The following NTRK2 variants were observed in gnomAD, a reference collection of about 807,000 sequenced individuals.
NTRK2 encodes neurotrophic receptor tyrosine kinase 2, also known as BDNF/NT-3 growth factors receptor.
In NTRK2, 13 loss-of-function variants were observed where a neutral mutation model predicts 94.5. That is an observed-to-expected ratio of 0.14 (90% CI 0.09 to 0.22). NTRK2 has a LOEUF of 0.22. Among genes scored for constraint, NTRK2 ranks in the 10% least tolerant of loss-of-function variants. The pLI, the probability that NTRK2 is intolerant of heterozygous loss-of-function variation, is 1.00. For synonymous variants in NTRK2, 372 were observed against 407.4 expected (o/e 0.91, Z 1.05); for missense variants, 639 against 1,071.2 (o/e 0.60, Z 5.63).
intron 14 of NTRK2, among the ~76,000 whole-genome samples, chr9:84,913,194 A>G (rs1218440750): frequency 2.0e-5 from 3 of 151,894 alleles, no homozygotes; most frequent in Non-Finnish European, 4.4e-5. Context: ...ATTTACCTGT[A>G]GTGTTTTGGA....
At chr9:84,750,203 G>A (rs1447124019) in intron 11 of NTRK2, among the ~76,000 whole-genome samples, 1 of 152,172 alleles carries the variant, frequency 6.6e-6, no homozygotes, top group Non-Finnish European at 1.5e-5. Context: ...GGTGCTAGTA[G>A]TACTTTCCCC....
At chr9:84,981,353 C>T (rs978303740) in intron 17 of NTRK2, among the ~76,000 whole-genome samples, 5 of 152,166 alleles carry the variant, frequency 3.3e-5, no homozygotes, top group South Asian at 2.1e-4. Context: ...CCACCCACCT[C>T]GGCTTCCCAA....
intron 12 of NTRK2, among the ~76,000 whole-genome samples, chr9:84,769,443 G>A (rs2066325323): frequency 6.6e-6 from 1 of 152,138 alleles, no homozygotes; most frequent in South Asian, 2.1e-4. Context: ...AGAGGCATAA[G>A]AAATTCTATT....
At chr9:85,006,394 G>T (rs923891488) in intron 17 of NTRK2, among the ~76,000 whole-genome samples, 4 of 152,126 alleles carry the variant, frequency 2.6e-5, no homozygotes, top group African/African-American at 7.2e-5. Flanking sequence ...GGCCCTCTTG[G>T]GCTCCCCTGC....
At chr9:84,848,725 C>A (rs147914075) in intron 12 of NTRK2, among the ~76,000 whole-genome samples, 1 of 152,106 alleles carries the variant, frequency 6.6e-6, no homozygotes, top group Non-Finnish European at 1.5e-5. Flanking sequence ...ACATACCCGG[C>A]GCCAAATGAT....
intron 14 of NTRK2, among the ~76,000 whole-genome samples, chr9:84,891,787 T>G (rs971646530): frequency 6.6e-5 from 10 of 152,210 alleles, no homozygotes; most frequent in Admixed American, 2.6e-4. Flanking sequence ...AGAATTAAGT[T>G]ATAAATTAGA....
rs192385754 is a variant in NTRK2 at position 84,941,502 on chromosome 9, A to G, written c.1765-6960A>G. 3.3e-5 allele frequency among the ~76,000 whole-genome samples: 5 copies of G among 152,340 alleles called. No individual in the cohort carries two copies. The East Asian group carries it at 9.6e-4, about 29-fold the overall frequency. On this transcript the variant is annotated intron_variant, in intron 15 of 18. Transcript: ENST00000277120. ...TCTAATGAGGACTCATCTGGCATCA[A>G]ACATAGCTGGAGGATTCATTTCACA...
chr9:84,713,785 G>T (rs903108001), intron 6 of NTRK2, among the ~76,000 whole-genome samples: 6 of 151,808 alleles, frequency 4.0e-5, no homozygotes, highest in Non-Finnish European at 8.8e-5. Context: ...GCTCTTTCTA[G>T]GTAAACTGTG....
At chr9:84,727,629 A>G (rs1483608142) in intron 8 of NTRK2, 25 bp from the exon 9 acceptor site, 1 of 1,607,682 alleles carries the variant, frequency 6.2e-7, no homozygotes. Flanking sequence ...TTCTGATGCT[A>G]TTAACTCTCT....
intron 12 of NTRK2, chr9:84,810,687 C>G (rs201747943): frequency 6.3e-7 from 1 of 1,594,592 alleles, no homozygotes; most frequent in African/African-American, 1.3e-5. Context: ...GGAAGTGCTG[C>G]TTATCTGGGG....
chr9:84,702,774 T>A (rs1465101265), intron 4 of NTRK2, among the ~76,000 whole-genome samples: 1 of 152,212 alleles, frequency 6.6e-6, no homozygotes, highest in Non-Finnish European at 1.5e-5. Flanking sequence ...ACTAGTGGAA[T>A]CGAAAGAAGC....
In NTRK2 at chr9:84,932,840, G is replaced by C. The variant is rs558710589; in HGVS notation, c.1634-1322G>C. ...GGCTTTGAAGGATGAACTAAGCAGA[G>C]AGGAAGCCTGGCAATTGTTTTTACT... On this transcript the variant is annotated intron_variant, in intron 14 of 18. Transcript: ENST00000277120. Among the ~76,000 whole-genome samples, 12 of 152,338 alleles carry C rather than the reference G, an allele frequency of 7.9e-5. No individual in the cohort carries two copies. In the South Asian group the frequency reaches 1.7e-3, roughly 21 times the overall value.
intron 2 of NTRK2, among the ~76,000 whole-genome samples, chr9:84,676,590 T>G (rs759477370): frequency 3.2e-4 from 48 of 152,212 alleles, no homozygotes; most frequent in Non-Finnish European, 5.6e-4. Flanking sequence ...GTGAAGAAAG[T>G]TGCCGAAGGC....
At chr9:84,799,435 T>C (rs964227429) in intron 12 of NTRK2, among the ~76,000 whole-genome samples, 2 of 152,188 alleles carry the variant, frequency 1.3e-5, no homozygotes, top group Non-Finnish European at 1.5e-5. Flanking sequence ...AAACAACCGA[T>C]GTGGAACAAT....
chr9:85,024,488 G>T lies in NTRK2; in HGVS notation c.*3051G>T, dbSNP rs1832934913. The T allele has an allele frequency of 4.3e-6, 1 of 232,862 alleles. No homozygotes were observed. The highest frequency in any genetic ancestry group is 8.5e-6 in the Non-Finnish European group (1 of 117,876). 14.4% of individuals were successfully genotyped at this position (232,862 alleles called of 1,614,324 possible). ...TAGCAAATTATTCCTATTTTGTGTA[G>T]ATGAGGACGTTGAGACTCAGAGACA... On this transcript the variant is annotated 3_prime_UTR_variant, in exon 19 of 19. Coordinates refer to ENST00000277120, the MANE Select transcript of NTRK2 (RefSeq NM_006180.6).
chr9:84,993,429 C>A (rs2133338950), intron 17 of NTRK2, among the ~76,000 whole-genome samples: 1 of 152,278 alleles, frequency 6.6e-6, no homozygotes, highest in South Asian at 2.1e-4. Context: ...CAGTGAATGA[C>A]CATCATCTGC....
chr9:84,866,944 A>G (rs1390746392), intron 13 of NTRK2, among the ~76,000 whole-genome samples: 1 of 152,226 alleles, frequency 6.6e-6, no homozygotes, highest in Non-Finnish European at 1.5e-5. Flanking sequence ...CATGATGTTA[A>G]GTGAAGGAAG....
intron 12 of NTRK2, among the ~76,000 whole-genome samples, chr9:84,796,713 G>A (rs973088592): frequency 1.3e-4 from 20 of 152,202 alleles, no homozygotes; most frequent in African/African-American, 4.8e-4. Flanking sequence ...GGAATATTAG[G>A]GTATCTTTCA....
chr9:84,919,929 A>T (rs145865229), intron 14 of NTRK2, among the ~76,000 whole-genome samples: 1 of 152,210 alleles, frequency 6.6e-6, no homozygotes, highest in Non-Finnish European at 1.5e-5. Flanking sequence ...CAAATACAGT[A>T]AGTGAATTTC....
Sources: allele counts gnomAD v4.1 joint callset (sites outside exome capture counted in the v4.1 genomes callset), GRCh38; gene constraint gnomAD v4.1.1; transcripts MANE v1.5; gene names NCBI Gene and HGNC (gene_info 2026-07-23, HGNC 2026-07-21).